MAP4K3: variants seen among roughly 807,000 people sequenced by gnomAD.
MAP4K3 encodes mitogen-activated protein kinase kinase kinase kinase 3.
A neutral mutation model predicts 143.5 loss-of-function variants in MAP4K3; 94 were observed. The ratio of observed to expected loss-of-function variants is 0.65; its 90% confidence interval spans 0.55 to 0.78. The LOEUF (loss-of-function observed/expected upper bound fraction) is 0.78, where lower values mean the gene tolerates loss of function less well. MAP4K3 is among the 30% of genes least tolerant of loss of function. The pLI is 0.00. For missense variants in MAP4K3, 1,077 were observed against 1,068.1 expected, an observed-to-expected ratio of 1.01 and a Z score of -0.12; for synonymous variants, 416 against 347.2, an observed-to-expected ratio of 1.20 and a Z score of -2.20.
chr2:39,280,672 C>T (rs1681478498), intron 22 of MAP4K3, among the ~76,000 whole-genome samples: 1 of 151,986 alleles, frequency 6.6e-6, no homozygotes, highest in South Asian at 2.1e-4. Context: ...CTTACATGCT[C>T]CATGTCAAGA....
intron 3 of MAP4K3, among the ~76,000 whole-genome samples, chr2:39,355,147 G>A (rs1319383189): frequency 6.6e-6 from 1 of 152,016 alleles, no homozygotes; most frequent in East Asian, 1.9e-4. Flanking sequence ...GGCAGATCAC[G>A]AGGTCAGGAG....
intron 3 of MAP4K3, among the ~76,000 whole-genome samples, chr2:39,352,160 G>A (rs1008588921): frequency 1.1e-4 from 17 of 151,994 alleles, no homozygotes; most frequent in Non-Finnish European, 1.5e-5. Context: ...GTGTGGTAGC[G>A]TGCGCCCGTA....
At chr2:39,288,530 T>G (rs1681893683) in intron 19 of MAP4K3, among the ~76,000 whole-genome samples, 1 of 152,202 alleles carries the variant, frequency 6.6e-6, no homozygotes. Flanking sequence ...CTAAGTCGAC[T>G]TTTTTATTAA....
chr2:39,279,387 A>G (rs1286086990), intron 23 of MAP4K3, among the ~76,000 whole-genome samples: 1 of 152,158 alleles, frequency 6.6e-6, no homozygotes, highest in East Asian at 1.9e-4. Context: ...CTGAGTGCCA[A>G]TTTCCTTGCC....
intron 3 of MAP4K3, among the ~76,000 whole-genome samples, chr2:39,353,930 G>A (rs1665532288): frequency 6.6e-6 from 1 of 152,158 alleles, no homozygotes; most frequent in Non-Finnish European, 1.5e-5. Context: ...GGCACAAACT[G>A]GTTAAATAAT....
chr2:39,254,200 G>A (rs1680257174), intron 32 of MAP4K3, among the ~76,000 whole-genome samples: 1 of 152,106 alleles, frequency 6.6e-6, no homozygotes, highest in African/African-American at 2.4e-5. Context: ...TAGCAGATTA[G>A]CAAGTTCTTG....
chr2:39,336,770 T>TA (rs1664980839), intron 6 of MAP4K3, 150 bp downstream of exon 6: 1 of 401,966 alleles, frequency 2.5e-6, no homozygotes, highest in Admixed American at 4.9e-5. Context: ...AAAGCTGCTA[T>TA]AAAAAATTAA....
At position 39,312,307 on chromosome 2, in the gene MAP4K3, C is replaced by T. The variant is rs184591880; in HGVS notation, c.998-2788G>A. On this transcript the variant is annotated intron_variant, in intron 13 of 33. Transcript: ENST00000263881. ...TTCTGATCTTATAACCTGGGTAAAA[C>T]CCTCAAGTCCACTGAGATACAAGCA... Among the ~76,000 whole-genome samples the T allele has an allele frequency of 3.9e-3, 593 of 152,092 alleles. 5 individuals carry two copies. Among genetic ancestry groups the T allele is most frequent in the Middle Eastern group, 0.024 (7 of 294 alleles).
At chr2:39,381,716 C>T (rs564250217) in intron 1 of MAP4K3, among the ~76,000 whole-genome samples, 12 of 152,166 alleles carry the variant, frequency 7.9e-5, no homozygotes, top group African/African-American at 2.9e-4. Flanking sequence ...TGTGAAATAC[C>T]ACATTTTAAT....
intron 23 of MAP4K3, among the ~76,000 whole-genome samples, 153 bp downstream of exon 23, chr2:39,280,119 A>G (rs916552304): frequency 5.3e-5 from 8 of 152,192 alleles, no homozygotes; most frequent in African/African-American, 1.9e-4. Flanking sequence ...ATAACAGCAC[A>G]AAGAAACATA....
intron 15 of MAP4K3, among the ~76,000 whole-genome samples, chr2:39,305,176 G>A (rs1682658018): frequency 6.6e-6 from 1 of 152,072 alleles, no homozygotes; most frequent in African/African-American, 2.4e-5. Flanking sequence ...TAATGCCACT[G>A]GACTGTAGAC....
Position 39,258,553 on chromosome 2 carries a change from T to G in MAP4K3, c.2343A>C (p.Gln781His), listed in dbSNP as rs1199487668. 1.2e-6 allele frequency: 2 copies of G among 1,613,836 alleles called. No homozygotes were observed. The highest frequency in any genetic ancestry group is 1.7e-6 in the Non-Finnish European group (2 of 1,179,716). Residue 781 changes from glutamine (Q) to histidine (H), a missense_variant, in exon 30 of 34, where the codon CAA (glutamine) becomes CAC (histidine). Around this residue, in one of 2 missense-constraint regions of MAP4K3, gnomAD observed 864 missense variants for 801.2 expected, o/e 1.08. Coordinates refer to ENST00000263881, the MANE Select transcript of MAP4K3 (RefSeq NM_003618.4). ...ATACAAGGATGGTATCTCTCTCCAG[T>G]TGGGTTACATGAGTAACATTTGTCT... ...TPQTNVTHVTQLERDTILVCL... is the reference protein window; with the variant it reads ...TPQTNVTHVTHLERDTILVCL...
At chr2:39,338,125 C>T (rs932165624) in intron 4 of MAP4K3, among the ~76,000 whole-genome samples, 4 of 151,980 alleles carry the variant, frequency 2.6e-5, no homozygotes, top group African/African-American at 9.7e-5. Flanking sequence ...CAGAACAGTG[C>T]CTGGCACAGA....
At chr2:39,349,958 T>C (rs1347318422) in intron 3 of MAP4K3, among the ~76,000 whole-genome samples, 1 of 152,184 alleles carries the variant, frequency 6.6e-6, no homozygotes. Flanking sequence ...GTTTTTTTGC[T>C]TAGAGTAGTA....
intron 15 of MAP4K3, among the ~76,000 whole-genome samples, chr2:39,303,842 A>T (rs1292438550): frequency 6.6e-6 from 1 of 152,176 alleles, no homozygotes; most frequent in Non-Finnish European, 1.5e-5. Flanking sequence ...GGGTCAACAT[A>T]GTCTTTTATA....
chr2:39,293,178 G>T, intron 17 of MAP4K3, 52 bp downstream of exon 17: 2 of 1,282,140 alleles, frequency 1.6e-6, no homozygotes, highest in South Asian at 2.7e-5. Context: ...AAGGCAAACT[G>T]ACTTTACTTG....
intron 22 of MAP4K3, among the ~76,000 whole-genome samples, chr2:39,281,169 AT>A (rs1181430437): frequency 6.6e-6 from 1 of 152,176 alleles, no homozygotes; most frequent in Non-Finnish European, 1.5e-5. Context: ...AAATTTCAGT[AT>A]TTGCCATGTT....
At chr2:39,401,455 A>G (rs1450126991) in intron 1 of MAP4K3, among the ~76,000 whole-genome samples, 1 of 152,208 alleles carries the variant, frequency 6.6e-6, no homozygotes, top group Non-Finnish European at 1.5e-5. Context: ...ATTGGGGAAA[A>G]TTAGCTGTAG....
intron 2 of MAP4K3, among the ~76,000 whole-genome samples, chr2:39,369,350 C>T (rs1666018452): frequency 6.6e-6 from 1 of 151,854 alleles, no homozygotes; most frequent in Admixed American, 6.6e-5. Context: ...TGCGAGCCAC[C>T]AAGCCAGGCT....
Sources: allele counts gnomAD v4.1 joint callset (sites outside exome capture counted in the v4.1 genomes callset), GRCh38; gene constraint gnomAD v4.1.1; regional missense constraint gnomAD v4.1.1; transcripts MANE v1.5; gene names NCBI Gene and HGNC (gene_info 2026-07-23, HGNC 2026-07-21).